The following LRRC4C variants were observed in gnomAD, a reference collection of about 807,000 sequenced individuals.
LRRC4C encodes leucine rich repeat containing 4C.
LRRC4C carries 5 observed loss-of-function variants against 33.6 expected under a neutral mutation model. That is an observed-to-expected ratio of 0.15 (90% CI 0.08 to 0.31). LRRC4C has a LOEUF of 0.31. LRRC4C is among the 10% of genes least tolerant of loss of function. The pLI is 1.00. For missense variants in LRRC4C, 560 were observed against 796.7 expected, an observed-to-expected ratio of 0.70 and a Z score of 3.58; for synonymous variants, 329 against 302.0, an observed-to-expected ratio of 1.09 and a Z score of -0.93.
chr11:40,694,779 A>C (rs1404918169), intron 2 of LRRC4C, among the ~76,000 whole-genome samples: 3 of 152,162 alleles, frequency 2.0e-5, no homozygotes, highest in Non-Finnish European at 4.4e-5. Context: ...TCTCATAAGC[A>C]TCACACTGCA....
At chr11:40,393,683 A>G (rs1282488779) in intron 3 of LRRC4C, among the ~76,000 whole-genome samples, 1 of 152,178 alleles carries the variant, frequency 6.6e-6, no homozygotes, top group East Asian at 1.9e-4. Context: ...AAGTGAAAAA[A>G]CAATTGCACT....
intron 1 of LRRC4C, among the ~76,000 whole-genome samples, chr11:41,238,361 C>T (rs1948110399): frequency 6.6e-6 from 1 of 152,040 alleles, no homozygotes; most frequent in East Asian, 1.9e-4. Context: ...TTTATTTGAC[C>T]TATATTTAAT....
chr11:40,544,993 A>G (rs1956858799), intron 3 of LRRC4C, among the ~76,000 whole-genome samples: 1 of 152,040 alleles, frequency 6.6e-6, no homozygotes, highest in Non-Finnish European at 1.5e-5. Context: ...TGTGTTCAGC[A>G]GTATTTCAAG....
intron 4 of LRRC4C, among the ~76,000 whole-genome samples, chr11:40,274,410 A>AATAGACAC (rs1326934135): frequency 1.0e-5 from 1 of 97,170 alleles, no homozygotes; most frequent in Non-Finnish European, 2.2e-5. Context: ...TACCCTGCGG[A>AATAGACAC]ATAGACACAC....
intron 3 of LRRC4C, among the ~76,000 whole-genome samples, chr11:40,528,330 C>T (rs1036982861): frequency 6.6e-6 from 1 of 151,786 alleles, no homozygotes; most frequent in East Asian, 1.9e-4. Flanking sequence ...AACTCGATAG[C>T]AAAACAACAA....
At chr11:40,334,248 T>C (rs765556928) in intron 3 of LRRC4C, among the ~76,000 whole-genome samples, 2 of 152,166 alleles carry the variant, frequency 1.3e-5, no homozygotes, top group Non-Finnish European at 2.9e-5. Context: ...AGTTTGTGGT[T>C]ACTGGGAACA....
At chr11:41,264,096 T>TA (rs1491166672) in intron 1 of LRRC4C, among the ~76,000 whole-genome samples, 4 of 1,110 alleles carry the variant, frequency 3.6e-3, no homozygotes, top group Non-Finnish European at 0.01. Flanking sequence ...TTTTTATTAA[T>TA]TTTTTTTTTT....
At chr11:40,366,729 G>A (rs892178177) in intron 3 of LRRC4C, among the ~76,000 whole-genome samples, 1 of 151,934 alleles carries the variant, frequency 6.6e-6, no homozygotes, top group Non-Finnish European at 1.5e-5. Context: ...TGAGGAGAGG[G>A]TAAAGGAAGA....
intron 3 of LRRC4C, among the ~76,000 whole-genome samples, chr11:40,477,872 C>G (rs558597755): frequency 6.6e-6 from 1 of 152,156 alleles, no homozygotes; most frequent in African/African-American, 2.4e-5. Context: ...ATAATTCCCA[C>G]GTGTTATGGG....
chr11:40,986,967 T>C (rs1361417753), intron 1 of LRRC4C, among the ~76,000 whole-genome samples: 1 of 152,222 alleles, frequency 6.6e-6, no homozygotes. Flanking sequence ...TGGTGGATAA[T>C]TAATAGCAAC....
At chr11:41,057,542 T>A (rs999817611) in intron 1 of LRRC4C, among the ~76,000 whole-genome samples, 1 of 152,152 alleles carries the variant, frequency 6.6e-6, no homozygotes, top group Non-Finnish European at 1.5e-5. Flanking sequence ...CAGACCAGAT[T>A]GGGAACTTGA....
At chr11:40,176,213 G>A (rs1860472028) in intron 5 of LRRC4C, among the ~76,000 whole-genome samples, 1 of 152,162 alleles carries the variant, frequency 6.6e-6, no homozygotes, top group Admixed American at 6.5e-5. Flanking sequence ...CATGTTTTGA[G>A]TATGTCAAGT....
intron 1 of LRRC4C, among the ~76,000 whole-genome samples, chr11:41,329,773 T>C (rs1199153590): frequency 6.6e-6 from 1 of 152,176 alleles, no homozygotes; most frequent in Non-Finnish European, 1.5e-5. Flanking sequence ...TTTGTTGTCA[T>C]AGTGATGGCA....
chr11:41,296,216 G>A (rs1950137534), intron 1 of LRRC4C, among the ~76,000 whole-genome samples: 1 of 152,180 alleles, frequency 6.6e-6, no homozygotes, highest in Non-Finnish European at 1.5e-5. Context: ...ACTTCCGATA[G>A]GATCTTCCCT....
intron 1 of LRRC4C, among the ~76,000 whole-genome samples, chr11:41,259,440 A>T (rs1948905697): frequency 6.6e-6 from 1 of 152,024 alleles, no homozygotes. Flanking sequence ...TCTTGTCTCT[A>T]AGTATCTTTT....
intron 5 of LRRC4C, among the ~76,000 whole-genome samples, chr11:40,152,369 G>A (rs909914273): frequency 6.6e-6 from 1 of 152,128 alleles, no homozygotes; most frequent in Non-Finnish European, 1.5e-5. Flanking sequence ...GGTGGCAGGG[G>A]GTAAAACTCC....
intron 1 of LRRC4C, among the ~76,000 whole-genome samples, chr11:41,292,014 C>A (rs1950007234): frequency 6.6e-6 from 1 of 152,088 alleles, no homozygotes; most frequent in Non-Finnish European, 1.5e-5. Context: ...AAGTTTGAAA[C>A]CCCTTCCCGA....
At chr11:40,674,303 C>T (rs1267555212) in intron 2 of LRRC4C, among the ~76,000 whole-genome samples, 4 of 152,174 alleles carry the variant, frequency 2.6e-5, no homozygotes, top group Non-Finnish European at 5.9e-5. Context: ...AGCTCCGTTC[C>T]AGTCAATGTG....
chr11:41,071,885 C>G (rs1938711675), intron 1 of LRRC4C, among the ~76,000 whole-genome samples: 1 of 152,092 alleles, frequency 6.6e-6, no homozygotes, highest in African/African-American at 2.4e-5. Context: ...GATTCCAACC[C>G]TTATGAATGA....
Sources: allele counts gnomAD v4.1 joint callset (sites outside exome capture counted in the v4.1 genomes callset), GRCh38; gene constraint gnomAD v4.1.1; transcripts MANE v1.5; gene names NCBI Gene and HGNC (gene_info 2026-07-23, HGNC 2026-07-21).